Variants in GRIN2B observed in about 807,000 individuals in gnomAD.
GRIN2B encodes glutamate ionotropic receptor NMDA type subunit 2B.
Under a neutral mutation model 114.5 loss-of-function variants are expected in GRIN2B, and 5 were observed. That is an observed-to-expected ratio of 0.04 (90% CI 0.02 to 0.09). GRIN2B has a LOEUF of 0.09. GRIN2B is among the 10% of genes least tolerant of loss of function. GRIN2B has a pLI of 1.00. For missense variants in GRIN2B, 1,108 were observed against 1,943.5 expected, an observed-to-expected ratio of 0.57 and a Z score of 8.08; for synonymous variants, 787 against 745.1, an observed-to-expected ratio of 1.06 and a Z score of -0.92.
intron 4 of GRIN2B, among the ~76,000 whole-genome samples, chr12:13,702,999 C>A (rs1950326048): frequency 6.6e-6 from 1 of 152,124 alleles, no homozygotes; most frequent in Admixed American, 6.5e-5. Flanking sequence ...TGTCAATTTC[C>A]CAGCACATGG....
At chr12:13,725,854 G>A (rs1430012861) in intron 4 of GRIN2B, among the ~76,000 whole-genome samples, 1 of 152,052 alleles carries the variant, frequency 6.6e-6, no homozygotes, top group African/African-American at 2.4e-5. Flanking sequence ...ACAGGGATGG[G>A]CAGAGAGGTG....
At chr12:13,714,728 C>T (rs1049753547) in intron 4 of GRIN2B, among the ~76,000 whole-genome samples, 2 of 151,846 alleles carry the variant, frequency 1.3e-5, no homozygotes, top group Non-Finnish European at 2.9e-5. Flanking sequence ...TAATACAAAT[C>T]ACCTAATTTT....
chr12:13,968,505 G>T (rs1171832468), intron 2 of GRIN2B, among the ~76,000 whole-genome samples: 4 of 152,128 alleles, frequency 2.6e-5, no homozygotes, highest in African/African-American at 9.7e-5. Flanking sequence ...GCCAAGATGG[G>T]ATCTGCTCAA....
At chr12:13,963,197 G>A (rs219935) in intron 2 of GRIN2B, among the ~76,000 whole-genome samples, 140,829 of 152,162 alleles carry the variant, frequency 0.93, 66,188 homozygotes, top group East Asian at 1. Flanking sequence ...CTAATAACCC[G>A]AGGCTCCCAG....
chr12:13,753,992 G>T lies in GRIN2B; in HGVS notation c.412-77C>A. On this transcript the variant is annotated intron_variant, in intron 3 of 13. Transcript: ENST00000609686. This position sits in a 1 kb window ranked among gnomAD's most constrained non-coding sequence, Gnocchi z 6.2. ...GATGGTAATGGAGATTTTGAACCAA[G>T]TGGGTACAAAGATTTGTGTTCATTA... 1.2e-6 allele frequency: 1 copy of T among 863,562 alleles called. No individual in the cohort carries two copies. Among genetic ancestry groups the T allele is most frequent in the South Asian group, 1.4e-5 (1 of 71,090 alleles). The allele number at this position is 863,562 out of a possible 1,614,324, so 53.5% of individuals were successfully genotyped here. A position where few individuals can be genotyped will look rare whatever the true frequency, so the allele number is the denominator to read the frequency against.
chr12:13,935,043 C>T (rs1351888556), intron 2 of GRIN2B, among the ~76,000 whole-genome samples: 1 of 152,032 alleles, frequency 6.6e-6, no homozygotes, highest in African/African-American at 2.4e-5. Flanking sequence ...CCCAAGTTTT[C>T]TGAGAATAGA....
chr12:13,856,884 C>A (rs1324148117), intron 3 of GRIN2B, among the ~76,000 whole-genome samples: 1 of 152,158 alleles, frequency 6.6e-6, no homozygotes, highest in Non-Finnish European at 1.5e-5. Flanking sequence ...CCTCCAGGCC[C>A]AAATCCAAGT....
rs1034156303 is a variant in GRIN2B, at chr12:13,555,209, A to C, written c.*7574T>G. 1 of 152,184 alleles carries C rather than the reference A, an allele frequency of 6.6e-6. No homozygotes were observed. The highest frequency in any genetic ancestry group is 2.4e-5 in the African/African-American group (1 of 41,434). 9.4% of individuals were successfully genotyped at this position (152,184 alleles called of 1,614,324 possible). On this transcript the variant is annotated 3_prime_UTR_variant, in exon 14 of 14. Coordinates refer to ENST00000609686, the MANE Select transcript of GRIN2B (RefSeq NM_000834.5). ...CCAGAGAACTAAGATTAAAACCAGA[A>C]TGTATTGCCTCCCAATGGTAATTGT...
intron 5 of GRIN2B, among the ~76,000 whole-genome samples, chr12:13,662,791 G>A (rs1591664421): frequency 6.6e-6 from 1 of 152,286 alleles, no homozygotes; most frequent in African/African-American, 2.4e-5. Context: ...GAGTAGGGCA[G>A]GCTTTAACTT....
In GRIN2B at chr12:13,587,376, G is replaced by GAGAT. The variant is rs371807864; in HGVS notation, c.2011-15416_2011-15413dup. Among the ~76,000 whole-genome samples the GAGAT allele has an allele frequency of 3.6e-3, 305 of 84,772 alleles. 2 individuals carry two copies. The highest frequency in any genetic ancestry group is 0.013 in the African/African-American group (275 of 21,688). 55.6% of individuals were successfully genotyped at this position (84,772 alleles called of 152,430 possible). A position where few individuals can be genotyped will look rare whatever the true frequency, so the allele number is the denominator to read the frequency against. ...TTTTTTTTGTATTGTTTTTGTTTTT[G>GAGAT]AGATAGGGTCTTGCTCTGTTGCCCA... On this transcript the variant is annotated intron_variant, in intron 10 of 13. Coordinates refer to ENST00000609686, the MANE Select transcript of GRIN2B (RefSeq NM_000834.5).
intron 3 of GRIN2B, among the ~76,000 whole-genome samples, chr12:13,821,896 A>G (rs537977920): frequency 2.0e-5 from 3 of 152,288 alleles, no homozygotes; most frequent in Admixed American, 1.3e-4. Context: ...TCTAAACATT[A>G]CTTTCTCTAT....
intron 3 of GRIN2B, among the ~76,000 whole-genome samples, chr12:13,783,431 G>GGTTTTGTTTTGTTTTGTTTTGTTGT (rs1864157734): frequency 6.7e-6 from 1 of 149,632 alleles, no homozygotes; most frequent in South Asian, 2.2e-4. Flanking sequence ...AACGGAAATA[G>GGTTTTGTTTTGTTTTGTTTTGTTGT]GTTTTGTTTT....
rs1388814180 is a variant in GRIN2B, at chr12:13,865,787, C to G, written c.411+11G>C. On this transcript the variant is annotated intron_variant, in intron 3 of 13. Coordinates refer to ENST00000609686, the MANE Select transcript of GRIN2B (RefSeq NM_000834.5). The stretch of plus-strand genomic sequence containing the variant: ...AACCCTCAGGCCCTTCTCCCTGCAG[C>G]CCCTTTTTACCTTATCTGCCATTAT... 6.2e-7 allele frequency: 1 copy of G among 1,607,164 alleles called. No homozygotes were observed. Among genetic ancestry groups the G allele is most frequent in the Admixed American group, 1.7e-5 (1 of 59,988 alleles).
At chr12:13,833,491 T>C (rs1390387236) in intron 3 of GRIN2B, among the ~76,000 whole-genome samples, 1 of 152,212 alleles carries the variant, frequency 6.6e-6, no homozygotes, top group Non-Finnish European at 1.5e-5. Context: ...GAATGTGTTC[T>C]GTTACAAATT....
intron 4 of GRIN2B, among the ~76,000 whole-genome samples, chr12:13,714,836 G>A (rs1312851253): frequency 7.2e-5 from 11 of 151,766 alleles, no homozygotes; most frequent in Non-Finnish European, 1.0e-4. Flanking sequence ...GGTATCTATC[G>A]CCTGAATAAC....
chr12:13,948,786 C>T (rs182929396), intron 2 of GRIN2B, among the ~76,000 whole-genome samples: 80 of 152,140 alleles, frequency 5.3e-4, no homozygotes, highest in Middle Eastern at 6.8e-3. Flanking sequence ...CTGCGACACC[C>T]GGAATGTAAG....
intron 3 of GRIN2B, among the ~76,000 whole-genome samples, chr12:13,838,515 T>G (rs1865319397): frequency 6.6e-6 from 1 of 152,188 alleles, no homozygotes. Flanking sequence ...ATTACTTCAA[T>G]GGCCTCTTCT....
chr12:13,650,688 A>G (rs1018960316), intron 5 of GRIN2B, among the ~76,000 whole-genome samples: 1 of 152,018 alleles, frequency 6.6e-6, no homozygotes, highest in African/African-American at 2.4e-5. Context: ...TTAAAATGTC[A>G]ACACACTCCC....
intron 3 of GRIN2B, among the ~76,000 whole-genome samples, chr12:13,805,876 A>G (rs1001063393): frequency 1.3e-5 from 2 of 152,102 alleles, no homozygotes; most frequent in Non-Finnish European, 2.9e-5. Flanking sequence ...CCTTTGATCA[A>G]CATACCCCAA....
Sources: allele counts gnomAD v4.1 joint callset (sites outside exome capture counted in the v4.1 genomes callset), GRCh38; gene constraint gnomAD v4.1.1; non-coding constraint Gnocchi (gnomAD v3.1); transcripts MANE v1.5; gene names NCBI Gene and HGNC (gene_info 2026-07-23, HGNC 2026-07-21).